COMMD10: variants seen among roughly 807,000 people sequenced by gnomAD.
The protein encoded by COMMD10 is COMM domain-containing protein 10.
In COMMD10, 33 loss-of-function variants were observed where a neutral mutation model predicts 28.9. The observed-to-expected ratio is 1.14, with a 90% CI of 0.87 to 1.53. The LOEUF (loss-of-function observed/expected upper bound fraction) is 1.53. Among genes scored for constraint, COMMD10 ranks in the 40% most tolerant of loss-of-function variants. The pLI is 0.00. For synonymous variants in COMMD10, 110 were observed against 81.7 expected, an observed-to-expected ratio of 1.35 and a Z score of -1.87; for missense variants, 310 against 233.4, an observed-to-expected ratio of 1.33 and a Z score of -2.14.
intron 5 of COMMD10, among the ~76,000 whole-genome samples, chr5:116,155,151 G>A (rs1206574243): frequency 6.6e-6 from 1 of 152,102 alleles, no homozygotes; most frequent in East Asian, 1.9e-4. Context: ...CCATCTCACA[G>A]TCACTCTAGG....
At chr5:116,155,280 A>T (rs184941523) in intron 5 of COMMD10, among the ~76,000 whole-genome samples, 2 of 152,222 alleles carry the variant, frequency 1.3e-5, no homozygotes, top group Admixed American at 6.6e-5. Context: ...AATTCACATA[A>T]ATATGAAGTT....
intron 5 of COMMD10, among the ~76,000 whole-genome samples, chr5:116,149,204 CG>C (rs1752436029): frequency 6.9e-6 from 1 of 145,784 alleles, no homozygotes; most frequent in Non-Finnish European, 1.5e-5. Context: ...TTTATGGCTG[CG>C]TAGTATTCCA....
intron 4 of COMMD10, among the ~76,000 whole-genome samples, chr5:116,113,145 A>AT (rs1057130842): frequency 2.6e-5 from 4 of 152,014 alleles, no homozygotes; most frequent in African/African-American, 7.2e-5. Flanking sequence ...ATGTCGTCAC[A>AT]TTTTTTCCTG....
intron 5 of COMMD10, among the ~76,000 whole-genome samples, chr5:116,280,780 T>C (rs1265231182): frequency 1.3e-5 from 2 of 151,852 alleles, no homozygotes; most frequent in Admixed American, 6.6e-5. Context: ...AATAGAGATA[T>C]TGGAATATGT....
chr5:116,143,878 G>A (rs1213038210), intron 5 of COMMD10, among the ~76,000 whole-genome samples: 1 of 151,600 alleles, frequency 6.6e-6, no homozygotes, highest in African/African-American at 2.4e-5. Context: ...TGGAGCTTAT[G>A]GGCTAGCAGG....
chr5:116,157,804 T>G (rs1752766161), intron 5 of COMMD10, among the ~76,000 whole-genome samples: 1 of 152,170 alleles, frequency 6.6e-6, no homozygotes, highest in South Asian at 2.1e-4. Flanking sequence ...CAGCAGTGTA[T>G]ATAAGTTGTG....
At chr5:116,265,333 AG>A (rs1171859666) in intron 5 of COMMD10, among the ~76,000 whole-genome samples, 3 of 151,734 alleles carry the variant, frequency 2.0e-5, no homozygotes, top group Non-Finnish European at 4.4e-5. Context: ...ATTCATGTAA[AG>A]GGCCTCTCAG....
intron 5 of COMMD10, among the ~76,000 whole-genome samples, chr5:116,258,423 C>T (rs373020681): frequency 5.3e-5 from 8 of 150,872 alleles, no homozygotes; most frequent in African/African-American, 1.7e-4. Context: ...TATTGGACAC[C>T]ACCACATCTT....
intron 5 of COMMD10, among the ~76,000 whole-genome samples, chr5:116,269,279 A>G (rs1046535830): frequency 1.1e-4 from 16 of 151,806 alleles, no homozygotes; most frequent in Non-Finnish European, 1.6e-4. Context: ...TAGTATTTCT[A>G]GAGGAAAGAT....
intron 5 of COMMD10, among the ~76,000 whole-genome samples, chr5:116,159,087 G>C (rs1043448385): frequency 2.6e-5 from 4 of 152,088 alleles, no homozygotes; most frequent in African/African-American, 9.7e-5. Context: ...GTCTTCTATA[G>C]TGTGTTGTTC....
chr5:116,235,588 T>G (rs1749641198), intron 5 of COMMD10, among the ~76,000 whole-genome samples: 1 of 152,220 alleles, frequency 6.6e-6, no homozygotes, highest in African/African-American at 2.4e-5. Flanking sequence ...CTGAATTATC[T>G]GTTTGCTTTC....
intron 5 of COMMD10, among the ~76,000 whole-genome samples, chr5:116,189,341 A>C (rs573240180): frequency 3.3e-5 from 5 of 152,306 alleles, no homozygotes; most frequent in African/African-American, 1.2e-4. Context: ...CTAGAGCAGC[A>C]TCCAGTGTCT....
chr5:116,259,380 G>T (rs113310328), intron 5 of COMMD10, among the ~76,000 whole-genome samples: 9 of 149,578 alleles, frequency 6.0e-5, no homozygotes, highest in African/African-American at 2.0e-4. Flanking sequence ...TTCCATAATT[G>T]TTTTTTTTTG....
chr5:116,108,917 A>G (rs1219687474), intron 4 of COMMD10, among the ~76,000 whole-genome samples: 1 of 152,068 alleles, frequency 6.6e-6, no homozygotes, highest in Non-Finnish European at 1.5e-5. Context: ...CTCTCGGTAC[A>G]GTCTCTTACG....
rs576415696 is a variant in COMMD10 at position 116,236,517 on chromosome 5, A to G, written c.511-55000A>G. ...AAGACTCCGTCTCAAAAAAAAAAAA[A>G]AAAAAAAGAAGTGATCCGTTGGGCC... On this transcript the variant is annotated intron_variant, in intron 5 of 6. Coordinates refer to ENST00000274458, the MANE Select transcript of COMMD10 (RefSeq NM_016144.4). Among the ~76,000 whole-genome samples, 63 of 151,950 alleles carry G rather than the reference A, an allele frequency of 4.1e-4. 1 individual carries two copies. The South Asian group carries it at 0.012, about 30-fold the overall frequency.
chr5:116,187,699 T>C (rs550333949), intron 5 of COMMD10, among the ~76,000 whole-genome samples: 1 of 152,244 alleles, frequency 6.6e-6, no homozygotes, highest in East Asian at 1.9e-4. Flanking sequence ...ATGAATATAG[T>C]TTGTGTTTAA....
chr5:116,245,326 C>G (rs1283528690), intron 5 of COMMD10, among the ~76,000 whole-genome samples: 1 of 152,022 alleles, frequency 6.6e-6, no homozygotes, highest in Non-Finnish European at 1.5e-5. Context: ...CAGACAATAT[C>G]AAGCTTGGAA....
At position 116,247,981 on chromosome 5, in the gene COMMD10, A is replaced by G. The variant is rs80267611; in HGVS notation, c.511-43536A>G. Among the ~76,000 whole-genome samples, 722 of 152,160 alleles carry G rather than the reference A, an allele frequency of 4.7e-3. 5 individuals are homozygous for G. The highest frequency in any genetic ancestry group is 6.8e-3 in the Middle Eastern group (2 of 294). ...ACTTAAAAGTTAAAAAGATAACACA[A>G]TATCAAAATTTTATGCAATACCTAC... On this transcript the variant is annotated intron_variant, in intron 5 of 6. Transcript: ENST00000274458.
At chr5:116,225,591 T>TGG (rs1749374970) in intron 5 of COMMD10, among the ~76,000 whole-genome samples, 2 of 152,112 alleles carry the variant, frequency 1.3e-5, no homozygotes, top group Non-Finnish European at 2.9e-5. Flanking sequence ...CCCTTGTATA[T>TGG]GCACAGTGTG....
Sources: gnomAD v4.1 joint callset for allele counts (sites outside exome capture counted in the v4.1 genomes callset) on GRCh38, gnomAD v4.1.1 for gene constraint, MANE v1.5 for transcripts, NCBI Gene and HGNC (gene_info 2026-07-23, HGNC 2026-07-21) for gene names.